Variants in MEIS2 observed in about 807,000 individuals in gnomAD.
The protein encoded by MEIS2 is homeobox protein Meis2.
Under a neutral mutation model 58.6 loss-of-function variants are expected in MEIS2, and 9 were observed. The observed-to-expected ratio is 0.15, with a 90% CI of 0.09 to 0.27. MEIS2 has a LOEUF of 0.27. MEIS2 is among the 10% of genes least tolerant of loss of function. The pLI is 1.00. For synonymous variants in MEIS2, 221 were observed against 228.4 expected (o/e 0.97, Z 0.29); for missense variants, 427 against 635.0 (o/e 0.67, Z 3.52).
rs747020266 is a variant in MEIS2 at position 37,020,207 on chromosome 15, G to A, written c.900+16607C>T. ...TTGCCAAGTCTCCTCTACAAAGCGT[G>A]TATTAATCACAGGTCCTGAGGAGGG... On this transcript the variant is annotated intron_variant, in intron 8 of 11. Coordinates refer to ENST00000561208, the MANE Select transcript of MEIS2 (RefSeq NM_170675.5). Among the ~76,000 whole-genome samples the A allele has an allele frequency of 3.3e-5, 5 of 152,198 alleles. No homozygotes were observed. The South Asian group carries it at 1.0e-3, about 32-fold the overall frequency.
chr15:37,092,707 T>C (rs1893688437), intron 6 of MEIS2, among the ~76,000 whole-genome samples: 1 of 77,320 alleles, frequency 1.3e-5, no homozygotes, highest in Non-Finnish European at 2.6e-5. Flanking sequence ...TTTTTTTTTT[T>C]TTTTTTTTTT....
intron 6 of MEIS2, among the ~76,000 whole-genome samples, chr15:37,084,464 G>T (rs1892635120): frequency 1.3e-5 from 2 of 151,664 alleles, no homozygotes; most frequent in African/African-American, 2.4e-5. Flanking sequence ...AACCAACAAA[G>T]GTAATGATAT....
intron 9 of MEIS2, among the ~76,000 whole-genome samples, chr15:36,909,426 C>T (rs2056895837): frequency 2.0e-5 from 3 of 152,080 alleles, no homozygotes; most frequent in Non-Finnish European, 4.4e-5. Context: ...AATAGGGTTC[C>T]TTCATCTCGG....
At chr15:36,928,795 G>A (rs1025170944) in intron 9 of MEIS2, among the ~76,000 whole-genome samples, 6 of 152,170 alleles carry the variant, frequency 3.9e-5, no homozygotes, top group African/African-American at 1.4e-4. Flanking sequence ...GGCTTAGTTA[G>A]AACCAATTGA....
chr15:36,957,263 T>C (rs1384919482), intron 8 of MEIS2, among the ~76,000 whole-genome samples: 2 of 152,130 alleles, frequency 1.3e-5, no homozygotes, highest in African/African-American at 4.8e-5. Context: ...TAAAGTGAAA[T>C]GAATATAAAT....
At chr15:36,947,023 T>A (rs2058591802) in intron 9 of MEIS2, among the ~76,000 whole-genome samples, 1 of 152,030 alleles carries the variant, frequency 6.6e-6, no homozygotes, top group South Asian at 2.1e-4. Context: ...TTTGGTTGTT[T>A]TACAGCTGAT....
chr15:36,970,138 T>C (rs1272022952), intron 8 of MEIS2, among the ~76,000 whole-genome samples: 1 of 152,186 alleles, frequency 6.6e-6, no homozygotes, highest in Non-Finnish European at 1.5e-5. Context: ...GCGCGGTGGC[T>C]CACGCTTGTA....
chr15:37,085,195 A>C (rs1016733383), intron 6 of MEIS2, among the ~76,000 whole-genome samples: 1 of 152,202 alleles, frequency 6.6e-6, no homozygotes, highest in Non-Finnish European at 1.5e-5. Context: ...TATATCACTA[A>C]AAAAACCAAT....
chr15:37,045,172 GAA>G (rs1325851912), intron 7 of MEIS2, among the ~76,000 whole-genome samples: 4 of 152,170 alleles, frequency 2.6e-5, no homozygotes, highest in Admixed American at 2.0e-4. Flanking sequence ...TTCCAACAGG[GAA>G]GAGAGAGTGC....
intron 6 of MEIS2, among the ~76,000 whole-genome samples, chr15:37,084,896 A>G (rs1174117473): frequency 1.3e-5 from 2 of 152,204 alleles, no homozygotes; most frequent in Non-Finnish European, 2.9e-5. Flanking sequence ...TCCAGCCTTA[A>G]AGCCAGAGCT....
chr15:37,040,057 T>G lies in MEIS2; in HGVS notation c.755-3098A>C, dbSNP rs74626378. Among the ~76,000 whole-genome samples, 44 of 150,982 alleles carry G rather than the reference T, an allele frequency of 2.9e-4. No homozygotes were observed. The East Asian group carries it at 3.9e-3, about 14-fold the overall frequency. ...AACATGGATATTGGTGTTTTTTTTT[T>G]TTTGTTTTAAGGCTGTGTATGTGTG... On this transcript the variant is annotated intron_variant, in intron 7 of 11. Transcript: ENST00000561208.
chr15:37,020,964 A>C (rs1241731951), intron 8 of MEIS2, among the ~76,000 whole-genome samples: 3 of 152,184 alleles, frequency 2.0e-5, no homozygotes, highest in African/African-American at 7.2e-5. Flanking sequence ...ATTAAGGTTA[A>C]ATGAAGTCAG....
chr15:36,914,795 C>T (rs2057200476), intron 9 of MEIS2, among the ~76,000 whole-genome samples: 2 of 151,708 alleles, frequency 1.3e-5, no homozygotes, highest in Non-Finnish European at 2.9e-5. Flanking sequence ...TCCTCAACCG[C>T]AGCAACACAC....
At chr15:37,031,421 A>ATGTGTGTGTGTG (rs60605081) in intron 8 of MEIS2, among the ~76,000 whole-genome samples, 27,709 of 146,734 alleles carry the variant, frequency 0.19, 3,297 homozygotes, top group Middle Eastern at 0.33. Flanking sequence ...TCCCTTGCAT[A>ATGTGTGTGTGTG]TGTGTGTGTG....
intron 7 of MEIS2, among the ~76,000 whole-genome samples, chr15:37,078,292 C>T (rs146550734): frequency 1.3e-5 from 2 of 151,928 alleles, no homozygotes; most frequent in Non-Finnish European, 2.9e-5. Context: ...GAATGCATGC[C>T]GGTGAGAAGT....
At chr15:37,040,796 A>G (rs567013507) in intron 7 of MEIS2, among the ~76,000 whole-genome samples, 1 of 152,334 alleles carries the variant, frequency 6.6e-6, no homozygotes, top group African/African-American at 2.4e-5. Context: ...TTAAATGATC[A>G]GAGGAGATTG....
chr15:36,901,689 T>G (rs2056482638), intron 9 of MEIS2, among the ~76,000 whole-genome samples: 1 of 152,174 alleles, frequency 6.6e-6, no homozygotes, highest in Non-Finnish European at 1.5e-5. Context: ...ATTTATAATA[T>G]AAAAACATGA....
chr15:37,014,373 G>A (rs973694957), intron 8 of MEIS2, among the ~76,000 whole-genome samples: 2 of 152,170 alleles, frequency 1.3e-5, no homozygotes, highest in Non-Finnish European at 2.9e-5. Flanking sequence ...ACTGTGTGGG[G>A]AAATGACATC....
At chr15:37,067,511 G>A (rs919073840) in intron 7 of MEIS2, among the ~76,000 whole-genome samples, 3 of 151,798 alleles carry the variant, frequency 2.0e-5, no homozygotes, top group East Asian at 1.9e-4. Context: ...ACTGAATTGG[G>A]GCTAACTAGA....
Sources: gnomAD v4.1 joint callset for allele counts (sites outside exome capture counted in the v4.1 genomes callset) on GRCh38, gnomAD v4.1.1 for gene constraint, MANE v1.5 for transcripts, NCBI Gene and HGNC (gene_info 2026-07-23, HGNC 2026-07-21) for gene names.